Variants in IQSEC2 observed in about 807,000 individuals in gnomAD.
IQSEC2 encodes IQ motif and SEC7 domain-containing protein 2.
IQSEC2 carries 6 observed loss-of-function variants against 74.6 expected under a neutral mutation model. The ratio of observed to expected loss-of-function variants is 0.08; its 90% CI spans 0.04 to 0.16. IQSEC2 has a LOEUF of 0.16. IQSEC2 is among the 10% of genes least tolerant of loss of function. The pLI is 1.00. For missense variants in IQSEC2, 734 were observed against 1,306.2 expected (o/e 0.56, Z 6.75); for synonymous variants, 494 against 544.5 (o/e 0.91, Z 1.29).
At chrX:53,248,395 T>C (rs1371826528) in intron 6 of IQSEC2, among the ~76,000 whole-genome samples, 159 bp from the exon 7 acceptor site, 2 of 111,531 alleles carry the variant, frequency 1.8e-5, no homozygotes, top group Non-Finnish European at 3.8e-5. Flanking sequence ...ATGTTTGAAA[T>C]CAAATCCATC....
downstream of IQSEC2, among the ~76,000 whole-genome samples, chrX:53,228,397 TG>T (rs2074051197): frequency 9.0e-6 from 1 of 111,527 alleles, no homozygotes; most frequent in African/African-American, 3.3e-5. Flanking sequence ...TGGGTCTTGC[TG>T]GGGGACAACC....
At chrX:53,306,452 C>G (rs782792334) in intron 1 of IQSEC2, among the ~76,000 whole-genome samples, 2 of 111,156 alleles carry the variant, frequency 1.8e-5, no homozygotes, top group South Asian at 7.6e-4. Context: ...GAAAGGGGTG[C>G]TCTGGAGGCC....
rs377545286 is a variant in IQSEC2 at position 53,243,374 on chromosome X, G to A, written c.2847C>T (p.Ser949=). The A allele has an allele frequency of 4.0e-5, 47 of 1,164,915 alleles. No homozygotes were observed. The highest frequency in any genetic ancestry group is 5.2e-5 in the Non-Finnish European group (45 of 872,544). The stretch of plus-strand genomic sequence containing the variant: ...TCATGCGCTCCACAGCCTGCACCTG[G>A]GACACATGGTCATCGTTGGTCCGCA... ...RELRTNDDHV[S]QVQAVERMIV... Residue 949 remains serine (S), a synonymous_variant, in exon 9 of 15, where the codon TCC becomes TCT. Coordinates refer to ENST00000642864, the MANE Select transcript of IQSEC2 (RefSeq NM_001111125.3).
chrX:53,318,348 C>T (rs2075398123), intron 1 of IQSEC2, among the ~76,000 whole-genome samples: 1 of 112,154 alleles, frequency 8.9e-6, no homozygotes, highest in African/African-American at 3.2e-5. Context: ...AGCAAGGAAA[C>T]GCAACAAGCA....
chrX:53,307,535 G>A (rs2075276965), intron 1 of IQSEC2, among the ~76,000 whole-genome samples: 1 of 109,699 alleles, frequency 9.1e-6, no homozygotes, highest in African/African-American at 3.3e-5. Context: ...CCTACAGGAA[G>A]TTCAACACCC....
intron 1 of IQSEC2, among the ~76,000 whole-genome samples, chrX:53,312,623 T>C (rs935629927): frequency 8.9e-6 from 1 of 112,183 alleles, no homozygotes; most frequent in African/African-American, 3.2e-5. Flanking sequence ...ACATACTGTG[T>C]GCTCAGCGCT....
At position 53,243,415 on chromosome X, in the gene IQSEC2, T is replaced by G; in HGVS notation, c.2806A>C (p.Ile936Leu). 1 of 1,171,532 alleles carries G rather than the reference T, an allele frequency of 8.5e-7. No homozygotes were observed. Among genetic ancestry groups the G allele is most frequent in the South Asian group, 1.9e-5 (1 of 52,761 alleles). Residue 936 changes from isoleucine to leucine, a missense_variant, in exon 9 of 15, where the codon ATC becomes CTC. Physicochemically the swap from Ile to Leu is conservative, Grantham distance 5. Transcript: ENST00000642864. The stretch of plus-strand genomic sequence containing the variant: ...TTGGTCCGCAGTTCACGCCCCTGGA[T>G]GCGCTGGTAGATGCCCACCAGGAGG... ...RDLLVGIYQR[I>L]QGRELRTNDD...
At chrX:53,259,419 C>A (rs1243125673) in intron 2 of IQSEC2, among the ~76,000 whole-genome samples, 1 of 109,386 alleles carries the variant, frequency 9.1e-6, no homozygotes, top group African/African-American at 3.3e-5. Flanking sequence ...GCACGAGAAT[C>A]GCTTGAACCC....
intron 2 of IQSEC2, among the ~76,000 whole-genome samples, chrX:53,264,647 C>T (rs954244243): frequency 2.8e-5 from 3 of 109,066 alleles, no homozygotes; most frequent in Admixed American, 9.8e-5. Flanking sequence ...CCTATAATGC[C>T]TTCTCACCCC....
chrX:53,286,360 C>T (rs2075025288), intron 2 of IQSEC2, among the ~76,000 whole-genome samples: 1 of 112,236 alleles, frequency 8.9e-6, no homozygotes, highest in Non-Finnish European at 1.9e-5. Context: ...TGCCTCTGAG[C>T]CGACCAGCTC....
chrX:53,295,923 G>A (rs2075147569), intron 1 of IQSEC2, among the ~76,000 whole-genome samples: 1 of 111,549 alleles, frequency 9.0e-6, no homozygotes. Flanking sequence ...CATCAGAAAT[G>A]AGATAATGCG....
chrX:53,280,661 C>G (rs1488698219), intron 2 of IQSEC2, among the ~76,000 whole-genome samples: 1 of 110,517 alleles, frequency 9.0e-6, no homozygotes, highest in Non-Finnish European at 1.9e-5. Context: ...GCTGTGCCCC[C>G]ACCACCCCTA....
chrX:53,246,195 G>A (rs1556862065), intron 8 of IQSEC2, among the ~76,000 whole-genome samples: 3 of 111,630 alleles, frequency 2.7e-5, no homozygotes, highest in African/African-American at 9.8e-5. Context: ...AAATGTTCCT[G>A]CCTCTGCGCC....
intron 2 of IQSEC2, among the ~76,000 whole-genome samples, chrX:53,280,551 G>C (rs2074938285): frequency 9.1e-6 from 1 of 110,481 alleles, no homozygotes; most frequent in Non-Finnish European, 1.9e-5. Context: ...GGCTGAGTGG[G>C]TGAGGCAGAG....
At chrX:53,286,616 A>G (rs1451881582) in intron 2 of IQSEC2, among the ~76,000 whole-genome samples, 1 of 111,554 alleles carries the variant, frequency 9.0e-6, no homozygotes, top group Non-Finnish European at 1.9e-5. Flanking sequence ...GGGCAAGCAG[A>G]GGAAGCTGGT....
intron 2 of IQSEC2, among the ~76,000 whole-genome samples, chrX:53,260,339 T>C (rs1218883318): frequency 1.8e-5 from 2 of 111,366 alleles, no homozygotes; most frequent in Non-Finnish European, 3.8e-5. Context: ...AAGAGGCCAG[T>C]GTGGCCGGAA....
At chrX:53,280,424 C>T (rs1556870617) in intron 2 of IQSEC2, among the ~76,000 whole-genome samples, 2 of 109,788 alleles carry the variant, frequency 1.8e-5, no homozygotes, top group African/African-American at 3.3e-5. Flanking sequence ...AGAGAAAGGG[C>T]GAGACAGAAG....
At chrX:53,301,169 C>T (rs782571995) in intron 1 of IQSEC2, among the ~76,000 whole-genome samples, 2 of 112,302 alleles carry the variant, frequency 1.8e-5, no homozygotes, top group South Asian at 7.3e-4. Context: ...GAACAAAATA[C>T]TGTGAGGCGG....
intron 2 of IQSEC2, among the ~76,000 whole-genome samples, chrX:53,259,754 C>A (rs1263811559): frequency 9.0e-6 from 1 of 110,755 alleles, no homozygotes; most frequent in Non-Finnish European, 1.9e-5. Context: ...AAGCCGTGAT[C>A]CTGCCACTGC....
Sources: gnomAD v4.1 joint callset for allele counts (sites outside exome capture counted in the v4.1 genomes callset) on GRCh38, gnomAD v4.1.1 for gene constraint, MANE v1.5 for transcripts, NCBI Gene and HGNC (gene_info 2026-07-23, HGNC 2026-07-21) for gene names.